The following ZNRF1 variants were observed in gnomAD, a reference collection of about 807,000 sequenced individuals.
ZNRF1 encodes the protein E3 ubiquitin-protein ligase ZNRF1.
A neutral mutation model predicts 18.4 loss-of-function variants in ZNRF1; 3 were observed. The ratio of observed to expected loss-of-function variants is 0.16; its 90% CI spans 0.07 to 0.42. ZNRF1 has a LOEUF of 0.42. Among genes scored for constraint, ZNRF1 ranks in the 10% least tolerant of loss-of-function variants. The pLI, the probability that ZNRF1 is intolerant of heterozygous loss-of-function variation, is 0.99. For missense variants in ZNRF1, 310 were observed against 329.8 expected (o/e 0.94, Z 0.47); for synonymous variants, 157 against 144.2 (o/e 1.09, Z -0.64).
chr16:75,107,504 A>G (rs1354758100), intron 4 of ZNRF1: 1 of 332,570 alleles, frequency 3.0e-6, no homozygotes, highest in Non-Finnish European at 6.0e-6. Context: ...TTTTACCTCC[A>G]CCTCAAAAAC....
intron 1 of ZNRF1, among the ~76,000 whole-genome samples, chr16:75,036,118 A>G (rs1474641492): frequency 6.6e-6 from 1 of 152,006 alleles, no homozygotes; most frequent in Non-Finnish European, 1.5e-5. Flanking sequence ...ATGTTTTACT[A>G]GCTACCTCCT....
intron 1 of ZNRF1, among the ~76,000 whole-genome samples, chr16:75,019,302 A>G (rs1712981288): frequency 6.6e-6 from 1 of 152,124 alleles, no homozygotes; most frequent in Admixed American, 6.6e-5. Context: ...GGCCTCCCAA[A>G]GTGCTGAGAG....
rs2036293344 is a variant in ZNRF1 at position 75,104,723 on chromosome 16, C to T, written c.521-61C>T. On this transcript the variant is annotated intron_variant, in intron 2 of 4. Transcript: ENST00000335325. Reference sequence around the variant, plus strand: ...CCCCTAGTTCCTAGGCCCTTGCTTGCCCCATGCCACCTGTCCACTGGTGAC... The same window carrying T: ...CCCCTAGTTCCTAGGCCCTTGCTTGTCCCATGCCACCTGTCCACTGGTGAC... 4.1e-6 allele frequency: 6 copies of T among 1,464,154 alleles called. No homozygotes were observed. The Admixed American group carries it at 5.9e-5, about 14-fold the overall frequency. 90.7% of individuals were successfully genotyped at this position (1,464,154 alleles called of 1,614,324 possible).
intron 2 of ZNRF1, among the ~76,000 whole-genome samples, chr16:75,100,332 T>C (rs1220285541): frequency 6.6e-6 from 1 of 152,238 alleles, no homozygotes; most frequent in Non-Finnish European, 1.5e-5. Context: ...GTCTGAGTCC[T>C]TTAGTGCACA....
chr16:75,063,931 G>T (rs1247985091), intron 1 of ZNRF1, among the ~76,000 whole-genome samples: 1 of 152,230 alleles, frequency 6.6e-6, no homozygotes, highest in Non-Finnish European at 1.5e-5. Context: ...GGAGAATATG[G>T]AGCCAGTCTC....
intron 1 of ZNRF1, among the ~76,000 whole-genome samples, chr16:75,033,521 C>A (rs951450331): frequency 1.3e-5 from 2 of 149,466 alleles, no homozygotes; most frequent in Non-Finnish European, 3.0e-5. Context: ...CTCACTGCAA[C>A]CTCTGCCTCC....
chr16:75,046,988 A>G (rs2035524529), intron 1 of ZNRF1: 1 of 152,230 alleles, frequency 6.6e-6, no homozygotes, highest in South Asian at 2.1e-4. Flanking sequence ...ATTTCTCTGT[A>G]CTTGTACCAC....
intron 1 of ZNRF1, chr16:75,046,998 C>CT (rs1156248082): frequency 3.9e-5 from 6 of 152,124 alleles, no homozygotes; most frequent in African/African-American, 1.4e-4. Context: ...ACTTGTACCA[C>CT]TTATAAGAAT....
At chr16:75,052,449 G>T (rs1317392785) in intron 1 of ZNRF1, among the ~76,000 whole-genome samples, 2 of 151,636 alleles carry the variant, frequency 1.3e-5, no homozygotes, top group African/African-American at 4.8e-5. Flanking sequence ...TACCCCACCT[G>T]CCTCACATTG....
Position 75,106,475 on chromosome 16 carries a change from C to T in ZNRF1, c.627-7C>T. Reference sequence around the variant, plus strand: ...ACGTGGTTTCCCTTGCGGCCCCCTCCTCCCAGCTGCATAGACTCGTGGTTT... The same window carrying T: ...ACGTGGTTTCCCTTGCGGCCCCCTCTTCCCAGCTGCATAGACTCGTGGTTT... On this transcript the variant is annotated splice_region_variant and splice_polypyrimidine_tract_variant and intron_variant, in intron 3 of 4. Coordinates refer to ENST00000335325, the MANE Select transcript of ZNRF1 (RefSeq NM_032268.5). 6.2e-7 allele frequency: 1 copy of T among 1,614,156 alleles called. No homozygotes were observed. Among genetic ancestry groups the T allele is most frequent in the East Asian group, 2.2e-5 (1 of 44,872 alleles).
intron 1 of ZNRF1, among the ~76,000 whole-genome samples, chr16:75,055,374 A>AGTCCC (rs1305055233): frequency 2.0e-5 from 3 of 152,184 alleles, no homozygotes; most frequent in Non-Finnish European, 4.4e-5. Context: ...CTGTCTTTCC[A>AGTCCC]GTCCCCAATG....
intron 1 of ZNRF1, among the ~76,000 whole-genome samples, chr16:75,083,039 GA>G (rs2036033399): frequency 6.6e-6 from 1 of 152,120 alleles, no homozygotes; most frequent in South Asian, 2.1e-4. Context: ...ATACCATATT[GA>G]AAAAAATTGT....
rs537306424 is a variant in ZNRF1 at position 75,102,021 on chromosome 16, C to G, written c.521-2763C>G. 1.2e-3 allele frequency among the ~76,000 whole-genome samples: 183 copies of G among 152,290 alleles called. 1 individual carries two copies. The highest frequency in any genetic ancestry group is 2.3e-3 in the Non-Finnish European group (158 of 68,026). The stretch of plus-strand genomic sequence containing the variant: ...CCAGATGTTCTAGACAGAAAATGAC[C>G]ACAAGTTGTCCTGGTGGCCAGGAAG... On this transcript the variant is annotated intron_variant, in intron 2 of 4. Coordinates refer to ENST00000335325, the MANE Select transcript of ZNRF1 (RefSeq NM_032268.5).
intron 1 of ZNRF1, among the ~76,000 whole-genome samples, chr16:75,052,958 T>C (rs1034606686): frequency 6.6e-6 from 1 of 152,226 alleles, no homozygotes; most frequent in African/African-American, 2.4e-5. Context: ...CTGAGCCTTT[T>C]CATTTGCTGC....
rs116694237 is a variant in ZNRF1, at chr16:75,047,439, C to T, written c.425-46133C>T. ...CCTCCCAGAGAGTCGGGATTACAAG[C>T]ATGAGCTTGTGCCTGGCTCAATTTA... On this transcript the variant is annotated intron_variant, in intron 1 of 4. Coordinates refer to ENST00000335325, the MANE Select transcript of ZNRF1 (RefSeq NM_032268.5). Among the ~76,000 whole-genome samples the T allele has an allele frequency of 1.7e-3, 263 of 152,402 alleles. 1 individual carries two copies. Among genetic ancestry groups the T allele is most frequent in the African/African-American group, 6.2e-3 (256 of 41,600 alleles).
chr16:75,025,314 CAT>C (rs1469214084), intron 1 of ZNRF1, among the ~76,000 whole-genome samples: 1 of 152,110 alleles, frequency 6.6e-6, no homozygotes, highest in African/African-American at 2.4e-5. Context: ...GTGATCCGCC[CAT>C]CTCGGCCTCC....
chr16:75,068,963 C>G (rs1431425982), intron 1 of ZNRF1, among the ~76,000 whole-genome samples: 1 of 152,010 alleles, frequency 6.6e-6, no homozygotes, highest in African/African-American at 2.4e-5. Context: ...GGTCCCACCC[C>G]CTCCTCCCTC....
chr16:75,073,269 A>G (rs557275497), intron 1 of ZNRF1, among the ~76,000 whole-genome samples: 33 of 151,544 alleles, frequency 2.2e-4, no homozygotes, highest in African/African-American at 7.8e-4. Context: ...TTTTTTCACA[A>G]TTGTTGATTG....
At chr16:75,053,698 C>G (rs555442226) in intron 1 of ZNRF1, among the ~76,000 whole-genome samples, 59 of 151,478 alleles carry the variant, frequency 3.9e-4, no homozygotes, top group African/African-American at 1.4e-3. Context: ...TGCTGTAAAA[C>G]ACATCCACCT....
Sources: allele counts gnomAD v4.1 joint callset (sites outside exome capture counted in the v4.1 genomes callset), GRCh38; gene constraint gnomAD v4.1.1; transcripts MANE v1.5; gene names NCBI Gene and HGNC (gene_info 2026-07-23, HGNC 2026-07-21).